HSD17B12: variants seen among roughly 807,000 people sequenced by gnomAD.
The protein encoded by HSD17B12 is hydroxysteroid 17-beta dehydrogenase 12.
HSD17B12 carries 32 observed loss-of-function variants against 39.3 expected under a neutral mutation model. The observed-to-expected ratio is 0.81, with a 90% CI of 0.61 to 1.09. HSD17B12 has a LOEUF of 1.09. Among genes scored for constraint, HSD17B12 ranks in the 50% least tolerant of loss-of-function variants. The pLI is 0.00. For synonymous variants in HSD17B12, 150 were observed against 146.7 expected (o/e 1.02, Z -0.16); for missense variants, 342 against 382.9 (o/e 0.89, Z 0.89).
rs183067451 is a variant in HSD17B12 at position 43,775,714 on chromosome 11, C to T, written c.283+21593C>T. ...TGCTGGTGTGCTGCACCCACTAACT[C>T]GTCATCTAGCATTAGGTATATCTCC... On this transcript the variant is annotated intron_variant, in intron 3 of 10. Transcript: ENST00000278353. Among the ~76,000 whole-genome samples, 618 of 151,388 alleles carry T rather than the reference C, an allele frequency of 4.1e-3. 6 individuals carry two copies. The East Asian group carries it at 0.044, about 11-fold the overall frequency.
At chr11:43,704,495 T>C (rs1949995944) in intron 1 of HSD17B12, among the ~76,000 whole-genome samples, 1 of 152,204 alleles carries the variant, frequency 6.6e-6, no homozygotes, top group South Asian at 2.1e-4. Flanking sequence ...CAGTACAGGG[T>C]GACTGCAACA....
At chr11:43,735,964 A>C (rs1340023424) in intron 1 of HSD17B12, among the ~76,000 whole-genome samples, 1 of 152,090 alleles carries the variant, frequency 6.6e-6, no homozygotes, top group Non-Finnish European at 1.5e-5. Context: ...GAGAATTCCT[A>C]TTTTCATGAG....
At position 43,683,895 on chromosome 11, in the gene HSD17B12, C is replaced by T. The variant is rs1383309462; in HGVS notation, c.160+2908C>T. Among the ~76,000 whole-genome samples the T allele has an allele frequency of 2.6e-5, 4 of 152,286 alleles. No homozygotes were observed. In the East Asian group the frequency reaches 7.7e-4, roughly 29 times the overall value. On this transcript the variant is annotated intron_variant, in intron 1 of 10. Coordinates refer to ENST00000278353, the MANE Select transcript of HSD17B12 (RefSeq NM_016142.3). ...ATCTGTCTGCCTCAGATTTTAGGAT[C>T]TGAGGGGCAGAAAGCGTGGATTCTC...
At chr11:43,590,468 G>A in the HSD17B12 span, among the ~76,000 whole-genome samples, 10 of 117,610 alleles carry the variant, frequency 8.5e-5, no homozygotes, top group South Asian at 2.8e-4. Flanking sequence ...ATCAAGACAA[G>A]AAATAGTTTT....
Position 43,753,484 on chromosome 11 carries a change from G to A in HSD17B12, c.208-562G>A, listed in dbSNP as rs566481378. ...GCTCACTGCAGTCTAAACTTCCTGG[G>A]CTCAGGTGATCCTCCCACCTCAGCC... On this transcript the variant is annotated intron_variant, in intron 2 of 10. Coordinates refer to ENST00000278353, the MANE Select transcript of HSD17B12 (RefSeq NM_016142.3). Among the ~76,000 whole-genome samples the A allele has an allele frequency of 4.7e-5, 7 of 149,002 alleles. No homozygotes were observed. The South Asian group carries it at 1.5e-3, about 32-fold the overall frequency.
At chr11:43,810,565 C>T (rs1237437322) in intron 4 of HSD17B12, among the ~76,000 whole-genome samples, 2 of 152,106 alleles carry the variant, frequency 1.3e-5, no homozygotes, top group Non-Finnish European at 2.9e-5. Context: ...GATGGCTCCT[C>T]TGCCCTCCAC....
chr11:43,580,078 G>A, the HSD17B12 span, among the ~76,000 whole-genome samples: 15,800 of 132,166 alleles, frequency 0.12, 982 homozygotes, highest in Non-Finnish European at 0.17. Flanking sequence ...GGGGGGGGGA[G>A]GGGCAGGAGA....
chr11:43,762,537 C>T lies in HSD17B12; in HGVS notation c.283+8416C>T, dbSNP rs1950563519. ...TCAGTTTATGGCCGGGGCCCTTAGA[C>T]AAGCTTGAAGGAAATGTAGCAACCA... On this transcript the variant is annotated intron_variant, in intron 3 of 10. Transcript: ENST00000278353. Among the ~76,000 whole-genome samples, 4 of 152,320 alleles carry T rather than the reference C, an allele frequency of 2.6e-5. 1 individual carries two copies. The South Asian group carries it at 8.3e-4, about 32-fold the overall frequency.
chr11:43,720,170 G>A (rs188270068), intron 1 of HSD17B12, among the ~76,000 whole-genome samples: 118 of 152,174 alleles, frequency 7.8e-4, no homozygotes, highest in African/African-American at 2.7e-3. Flanking sequence ...CAGATCTTTC[G>A]CCAGTTGTAG....
chr11:43,642,994 T>C, the HSD17B12 span, among the ~76,000 whole-genome samples: 1 of 152,064 alleles, frequency 6.6e-6, no homozygotes, highest in South Asian at 2.1e-4. Context: ...TTTAGGTTTT[T>C]GCATGTGTAT....
chr11:43,750,953 A>G lies in HSD17B12; in HGVS notation c.203A>G (p.Glu68Gly). The stretch of plus-strand genomic sequence containing the variant: ...GATGGAATTGGAAAATCATATGCAG[A>G]AGAGGTAGGTGATTTTCAAGATCTT... Reference protein sequence around the residue: ...STDGIGKSYAEELAKHGMKVV... With the variant: ...STDGIGKSYAGELAKHGMKVV... The change falls in exon 2 of 11, where the codon GAA becomes GGA. Residue 68 changes from glutamate (E) to glycine (G), a missense_variant. By Grantham distance (98) the Glu-to-Gly change is moderately conservative. Coordinates refer to ENST00000278353, the MANE Select transcript of HSD17B12 (RefSeq NM_016142.3). The G allele has an allele frequency of 6.3e-7, 1 of 1,593,402 alleles. No individual in the cohort carries two copies. The highest frequency in any genetic ancestry group is 8.6e-7 in the Non-Finnish European group (1 of 1,165,268).
chr11:43,826,087 T>C (rs1434643491), intron 6 of HSD17B12, among the ~76,000 whole-genome samples: 14 of 149,596 alleles, frequency 9.4e-5, no homozygotes, highest in South Asian at 2.1e-4. Context: ...TTTTCTTTTT[T>C]TTTTTTTTTT....
chr11:43,790,469 G>A (rs1019859345), intron 3 of HSD17B12, among the ~76,000 whole-genome samples: 1 of 152,328 alleles, frequency 6.6e-6, no homozygotes, highest in Admixed American at 6.5e-5. Flanking sequence ...GTCTGCAGGG[G>A]ATATGCCACA....
chr11:43,704,425 C>T (rs1949995086), intron 1 of HSD17B12, among the ~76,000 whole-genome samples: 1 of 152,098 alleles, frequency 6.6e-6, no homozygotes, highest in Non-Finnish European at 1.5e-5. Flanking sequence ...ATGAATTAAT[C>T]TCTTGTTTAT....
the HSD17B12 span, among the ~76,000 whole-genome samples, chr11:43,662,994 G>A: frequency 2.0e-5 from 3 of 152,154 alleles, no homozygotes; most frequent in Admixed American, 2.0e-4. Context: ...TACTAGAACA[G>A]CAAGGAAGTA....
At chr11:43,613,368 G>T in the HSD17B12 span, among the ~76,000 whole-genome samples, 1 of 151,386 alleles carries the variant, frequency 6.6e-6, no homozygotes, top group South Asian at 2.1e-4. Flanking sequence ...CTCCAGCCTG[G>T]CTAACAGAGG....
At chr11:43,692,279 CCTT>C (rs780783896) in intron 1 of HSD17B12, among the ~76,000 whole-genome samples, 1 of 152,036 alleles carries the variant, frequency 6.6e-6, no homozygotes, top group African/African-American at 2.4e-5. Flanking sequence ...TGTTTTTTCT[CCTT>C]CTTCTGAAAC....
chr11:43,565,047 C>T, the HSD17B12 span, among the ~76,000 whole-genome samples: 1 of 151,948 alleles, frequency 6.6e-6, no homozygotes, highest in African/African-American at 2.4e-5. Context: ...TTACAGGTGC[C>T]CACCACCAAG....
the HSD17B12 span, among the ~76,000 whole-genome samples, chr11:43,652,309 T>A: frequency 6.6e-6 from 1 of 152,152 alleles, no homozygotes; most frequent in Admixed American, 6.5e-5. Flanking sequence ...ACAATAGGTG[T>A]GGAAAAAGGA....
Sources: allele counts gnomAD v4.1 joint callset (sites outside exome capture counted in the v4.1 genomes callset), GRCh38; gene constraint gnomAD v4.1.1; transcripts MANE v1.5; gene names NCBI Gene and HGNC (gene_info 2026-07-23, HGNC 2026-07-21).